The following SRGAP3 variants were observed in gnomAD, a reference collection of about 807,000 sequenced individuals.
SRGAP3 encodes SLIT-ROBO Rho GTPase-activating protein 3.
Under a neutral mutation model 121.1 loss-of-function variants are expected in SRGAP3, and 39 were observed. The observed-to-expected ratio is 0.32, with a 90% confidence interval of 0.25 to 0.42. SRGAP3 has a LOEUF of 0.42. Among genes scored for constraint, SRGAP3 ranks in the 10% least tolerant of loss-of-function variants. The pLI is 1.00. For synonymous variants in SRGAP3, 601 were observed against 570.0 expected (o/e 1.05, Z -0.77); for missense variants, 1,213 against 1,470.6 (o/e 0.82, Z 2.86).
intron 18 of SRGAP3, among the ~76,000 whole-genome samples, chr3:9,004,345 C>G (rs1942942447): frequency 6.6e-6 from 1 of 152,162 alleles, no homozygotes; most frequent in Admixed American, 6.5e-5. Context: ...GGTGATATTT[C>G]CAACTGACCT....
intron 10 of SRGAP3, among the ~76,000 whole-genome samples, chr3:9,042,761 C>G (rs1206347810): frequency 1.3e-5 from 2 of 152,204 alleles, no homozygotes; most frequent in Non-Finnish European, 2.9e-5. Flanking sequence ...GAGCTGATGG[C>G]AGCCCATGAA....
intron 1 of SRGAP3, chr3:9,349,064 C>T: frequency 1.0e-6 from 1 of 964,232 alleles, no homozygotes; most frequent in East Asian, 2.4e-5. Flanking sequence ...GGAGCTGAAC[C>T]TGCCCACTGG....
chr3:9,123,367 TAA>T (rs200657099), intron 2 of SRGAP3, among the ~76,000 whole-genome samples: 897 of 73,914 alleles, frequency 0.012, 15 homozygotes, highest in African/African-American at 0.042. Context: ...TTGTCACAAT[TAA>T]AAAATATATA....
At chr3:9,191,429 C>G (rs1011397571) in intron 1 of SRGAP3, among the ~76,000 whole-genome samples, 6 of 152,186 alleles carry the variant, frequency 3.9e-5, no homozygotes, top group Non-Finnish European at 8.8e-5. Flanking sequence ...CAGACCTGAA[C>G]CCATCCACAG....
At chr3:9,261,503 T>G (rs1244409881) in intron 3 of SRGAP3, among the ~76,000 whole-genome samples, 1 of 151,822 alleles carries the variant, frequency 6.6e-6, no homozygotes, top group African/African-American at 2.4e-5. Flanking sequence ...GAAAAGAACA[T>G]AAATGACCTG....
intron 1 of SRGAP3, among the ~76,000 whole-genome samples, chr3:9,136,572 A>C (rs1293874339): frequency 4.6e-5 from 7 of 152,228 alleles, no homozygotes; most frequent in African/African-American, 4.8e-5. Context: ...GACCGACATC[A>C]GGCCATTCTT....
At chr3:9,296,654 C>G (rs1008697510) in intron 3 of SRGAP3, among the ~76,000 whole-genome samples, 5 of 152,192 alleles carry the variant, frequency 3.3e-5, no homozygotes, top group Non-Finnish European at 5.9e-5. Flanking sequence ...CACTTCTTAT[C>G]AGCAGAATGA....
Position 9,249,557 on chromosome 3 carries a change from T to C in SRGAP3, c.-606A>G. Reference sequence around the variant, plus strand: ...TCCTCCCTCCCTTCGGTGCCTCTGGTCTGATGTCCAGTGAGGATCAAAGCC... The same window carrying C: ...TCCTCCCTCCCTTCGGTGCCTCTGGCCTGATGTCCAGTGAGGATCAAAGCC... On this transcript the variant is annotated 5_prime_UTR_variant, in exon 1 of 22. Transcript: ENST00000383836. 3 of 243,856 alleles carry C rather than the reference T, an allele frequency of 1.2e-5. No individual in the cohort carries two copies. The highest frequency in any genetic ancestry group is 1.6e-5 in the Non-Finnish European group (2 of 123,758). 15.1% of individuals were successfully genotyped at this position (243,856 alleles called of 1,614,324 possible).
chr3:9,132,155 G>C (rs1949479135), intron 1 of SRGAP3, among the ~76,000 whole-genome samples: 1 of 152,078 alleles, frequency 6.6e-6, no homozygotes, highest in Admixed American at 6.5e-5. Context: ...AGAAAGTACA[G>C]AGAGTTCCCA....
At chr3:9,237,184 A>G (rs1287772978) in intron 1 of SRGAP3, among the ~76,000 whole-genome samples, 1 of 152,230 alleles carries the variant, frequency 6.6e-6, no homozygotes, top group Non-Finnish European at 1.5e-5. Flanking sequence ...GTCCATCACA[A>G]GAACACCTAT....
chr3:8,999,612 C>T (rs1340113119), intron 18 of SRGAP3, among the ~76,000 whole-genome samples: 2 of 152,164 alleles, frequency 1.3e-5, no homozygotes, highest in African/African-American at 4.8e-5. Context: ...GAGGCCAAGT[C>T]ACTGTATCAA....
chr3:9,221,870 T>C (rs937407973), intron 1 of SRGAP3, among the ~76,000 whole-genome samples: 2 of 152,234 alleles, frequency 1.3e-5, no homozygotes, highest in African/African-American at 4.8e-5. Context: ...TGTGACATTG[T>C]CATTACTACT....
intron 11 of SRGAP3, chr3:9,034,870 T>C (rs909829252): frequency 2.6e-5 from 4 of 152,196 alleles, no homozygotes; most frequent in Non-Finnish European, 1.5e-5. Context: ...AGAAATAACT[T>C]GATGATAGCA....
At chr3:9,019,571 G>A (rs1315949452) in intron 14 of SRGAP3, among the ~76,000 whole-genome samples, 1 of 152,220 alleles carries the variant, frequency 6.6e-6, no homozygotes. Flanking sequence ...CCTGAACAGC[G>A]AAGAGCACCT....
intron 3 of SRGAP3, among the ~76,000 whole-genome samples, chr3:9,288,868 G>C (rs564897472): frequency 6.6e-6 from 1 of 152,004 alleles, no homozygotes; most frequent in African/African-American, 2.4e-5. Flanking sequence ...GAGCCACTAT[G>C]CCTGGCCACA....
chr3:9,257,697 C>CTTTTTT (rs1491519262), intron 3 of SRGAP3, among the ~76,000 whole-genome samples: 4 of 81,218 alleles, frequency 4.9e-5, no homozygotes, highest in East Asian at 3.4e-4. Context: ...CAAAATAGCT[C>CTTTTTT]CTTTTTTTTT....
intron 1 of SRGAP3, among the ~76,000 whole-genome samples, chr3:9,146,282 T>C (rs1242615831): frequency 6.6e-6 from 1 of 152,156 alleles, no homozygotes; most frequent in African/African-American, 2.4e-5. Context: ...AATGCAAAGG[T>C]TCTTGTAGTA....
At chr3:9,228,029 A>G (rs17744465) in intron 1 of SRGAP3, among the ~76,000 whole-genome samples, 9,340 of 152,158 alleles carry the variant, frequency 0.061, 381 homozygotes, top group South Asian at 0.14. Flanking sequence ...TCATTGTACA[A>G]CCCAATCTGA....
Position 8,985,842 on chromosome 3 carries a change from C to G in SRGAP3, c.2977G>C (p.Asp993His). 6.2e-7 allele frequency: 1 copy of G among 1,600,338 alleles called. No homozygotes were observed. Among genetic ancestry groups the G allele is most frequent in the Admixed American group, 1.7e-5 (1 of 60,008 alleles). ...GGGTTCTTCAGGGGCTCCAGGGTGTCCAGCACCACATCTGGCGCCTGCTTG... is the reference window on the plus strand; with the variant it reads ...GGGTTCTTCAGGGGCTCCAGGGTGTGCAGCACCACATCTGGCGCCTGCTTG... ...TVKQAPDVVL[D>H]TLEPLKNPPG... The change falls in exon 22 of 22, where the codon GAC becomes CAC. Residue 993 changes from aspartate to histidine, a missense_variant. Asp to His is a moderately conservative substitution (Grantham distance 81). This residue lies in a region of SRGAP3 where 420 missense variants were observed against 437.7 expected (regional missense o/e 0.96). Coordinates refer to ENST00000383836, the MANE Select transcript of SRGAP3 (RefSeq NM_014850.4). This position sits in a 1 kb window ranked among gnomAD's most constrained non-coding sequence, Gnocchi z 5.1.
Sources: gnomAD v4.1 joint callset for allele counts (sites outside exome capture counted in the v4.1 genomes callset) on GRCh38, gnomAD v4.1.1 for gene constraint, gnomAD v4.1.1 regional missense constraint, Gnocchi (gnomAD v3.1) non-coding constraint, MANE v1.5 for transcripts, NCBI Gene and HGNC (gene_info 2026-07-23, HGNC 2026-07-21) for gene names.